XRN1: variants seen among roughly 807,000 people sequenced by gnomAD.
XRN1 encodes strand-exchange protein 1 homolog.
XRN1 carries 67 observed loss-of-function variants against 222.3 expected under a neutral mutation model. The observed-to-expected ratio is 0.30, with a 90% CI of 0.25 to 0.37. The LOEUF (loss-of-function observed/expected upper bound fraction) is 0.37. XRN1 is among the 10% of genes least tolerant of loss of function. The pLI is 1.00. For missense variants in XRN1, 1,707 were observed against 2,000.2 expected, an observed-to-expected ratio of 0.85 and a Z score of 2.80; for synonymous variants, 643 against 652.4, an observed-to-expected ratio of 0.99 and a Z score of 0.22.
At chr3:142,376,718 G>T in intron 23 of XRN1, 124 bp from the exon 24 acceptor site, 1 of 703,108 alleles carries the variant, frequency 1.4e-6, no homozygotes, top group East Asian at 2.9e-5. Context: ...GGCAATATAA[G>T]GATTTTCACT....
At chr3:142,316,214 CTTTT>C (rs377522108) in intron 39 of XRN1, among the ~76,000 whole-genome samples, 40 of 111,830 alleles carry the variant, frequency 3.6e-4, no homozygotes, top group Non-Finnish European at 6.5e-4. Context: ...TCATTATCTT[CTTTT>C]TTTTTTTTTT....
chr3:142,335,792 A>C (rs1395722511), intron 33 of XRN1, among the ~76,000 whole-genome samples: 1 of 152,198 alleles, frequency 6.6e-6, no homozygotes, highest in African/African-American at 2.4e-5. Context: ...TAGTGGGAAA[A>C]AAGACATGGA....
chr3:142,373,753 C>T (rs1467899341), intron 25 of XRN1, among the ~76,000 whole-genome samples: 1 of 151,896 alleles, frequency 6.6e-6, no homozygotes, highest in African/African-American at 2.4e-5. Flanking sequence ...TTTGGGAGGC[C>T]GAGGCAGGCA....
At chr3:142,400,784 T>A (rs1201158670) in intron 18 of XRN1, among the ~76,000 whole-genome samples, 1 of 152,058 alleles carries the variant, frequency 6.6e-6, no homozygotes, top group East Asian at 1.9e-4. Flanking sequence ...CCAGGTGTGG[T>A]GGCACACGCA....
intron 1 of XRN1, among the ~76,000 whole-genome samples, chr3:142,440,647 C>G (rs1370344479): frequency 6.6e-6 from 1 of 152,064 alleles, no homozygotes; most frequent in Non-Finnish European, 1.5e-5. Flanking sequence ...GTACAGAAAC[C>G]CAACAGACAG....
At chr3:142,423,229 C>T (rs1202583263) in intron 6 of XRN1, among the ~76,000 whole-genome samples, 1 of 152,108 alleles carries the variant, frequency 6.6e-6, no homozygotes, top group Non-Finnish European at 1.5e-5. Flanking sequence ...CCATTTAAGG[C>T]TGGTCTTTTC....
chr3:142,377,336 A>G (rs1422135372), intron 23 of XRN1, among the ~76,000 whole-genome samples: 1 of 152,208 alleles, frequency 6.6e-6, no homozygotes, highest in Non-Finnish European at 1.5e-5. Context: ...TGTACATAAC[A>G]ATAAAACATA....
chr3:142,400,157 C>T (rs1439537313), intron 19 of XRN1, among the ~76,000 whole-genome samples: 1 of 151,938 alleles, frequency 6.6e-6, no homozygotes, highest in Non-Finnish European at 1.5e-5. Flanking sequence ...AATGTATTTG[C>T]TAAGTAATAT....
intron 12 of XRN1, chr3:142,418,115 C>G (rs1441621783): frequency 5.6e-6 from 1 of 177,214 alleles, no homozygotes. Flanking sequence ...GAACTTTCTG[C>G]AAGTACCAGT....
At chr3:142,371,834 G>A (rs934237867) in intron 25 of XRN1, among the ~76,000 whole-genome samples, 36 of 152,100 alleles carry the variant, frequency 2.4e-4, no homozygotes, top group Non-Finnish European at 4.4e-4. Flanking sequence ...GTATAAAAAA[G>A]AGCACAGACC....
chr3:142,378,935 A>G (rs6769786), intron 23 of XRN1, among the ~76,000 whole-genome samples: 91,728 of 151,868 alleles, frequency 0.6, 28,706 homozygotes, highest in African/African-American at 0.78. Flanking sequence ...TTTATCAACA[A>G]CAATATGGAA....
At chr3:142,339,262 T>C (rs924792740) in intron 33 of XRN1, among the ~76,000 whole-genome samples, 1 of 151,978 alleles carries the variant, frequency 6.6e-6, no homozygotes, top group Non-Finnish European at 1.5e-5. Context: ...TGGGAGAAAG[T>C]AAAGGAAGAG....
chr3:142,351,538 C>T (rs187462102), intron 32 of XRN1, among the ~76,000 whole-genome samples: 6 of 152,098 alleles, frequency 3.9e-5, no homozygotes, highest in Admixed American at 2.0e-4. Flanking sequence ...GAGAGAGGTG[C>T]CAGTATAGAC....
chr3:142,433,376 T>C (rs2069714529), intron 1 of XRN1, among the ~76,000 whole-genome samples: 1 of 152,202 alleles, frequency 6.6e-6, no homozygotes, highest in Admixed American at 6.5e-5. Context: ...CAGTCACTGA[T>C]TGGTTATATT....
At chr3:142,392,431 G>A (rs6786320) in intron 20 of XRN1, among the ~76,000 whole-genome samples, 1 of 151,728 alleles carries the variant, frequency 6.6e-6, no homozygotes, top group Admixed American at 6.6e-5. Flanking sequence ...GCACCCACTC[G>A]TCATCTAGCA....
chr3:142,361,199 T>C (rs1236117018), intron 29 of XRN1, among the ~76,000 whole-genome samples: 2 of 152,240 alleles, frequency 1.3e-5, no homozygotes, highest in Non-Finnish European at 1.5e-5. Context: ...GTCACCTATG[T>C]TGTGTCTATC....
intron 29 of XRN1, among the ~76,000 whole-genome samples, chr3:142,360,558 TTA>T (rs1030173143): frequency 1.3e-5 from 2 of 149,312 alleles, no homozygotes. Flanking sequence ...ATGTACTTTT[TTA>T]AAAAAAAAAA....
rs1161949356 is a variant in XRN1 at position 142,308,401 on chromosome 3, C to T, written c.*3110G>A. ...TAGAAAGAAACAATAAAAAAACTTG[C>T]ATCAATAGTTCTTCATTCCTCCACC... On this transcript the variant is annotated 3_prime_UTR_variant, in exon 41 of 41. Transcript: ENST00000392981. The T allele has an allele frequency of 1.3e-5, 2 of 152,144 alleles. No individual in the cohort carries two copies. Among genetic ancestry groups the T allele is most frequent in the Non-Finnish European group, 2.9e-5 (2 of 68,028 alleles). The allele number at this position is 152,144 out of a possible 1,614,324, so 9.4% of individuals were successfully genotyped here. A position where few individuals can be genotyped will look rare whatever the true frequency, so the allele number is the denominator to read the frequency against.
chr3:142,332,449 T>C lies in XRN1; in HGVS notation c.4148A>G (p.Asn1383Ser), dbSNP rs764184332. ...TCTGTTAGAGGAAACAGGGATTTCA[T>C]TAGCAATCTGTTTGATTTCATTCTT... is the stretch of plus-strand genomic sequence containing the variant. ...DHKNEIKQIA[N>S]EIPVSSNRRD... is the part of the protein sequence containing the mutation. The change falls in exon 36 of 41, where the codon AAT becomes AGT. Residue 1383 changes from asparagine to serine, a missense_variant. Physicochemically the swap from Asn to Ser is conservative, Grantham distance 46. This residue lies in a region of XRN1 where 473 missense variants were observed against 482.0 expected (regional missense o/e 0.98). Transcript: ENST00000392981. The C allele has an allele frequency of 1.2e-6, 2 of 1,613,340 alleles. No homozygotes were observed. The highest frequency in any genetic ancestry group is 4.5e-5 in the East Asian group (2 of 44,800).
Sources: allele counts gnomAD v4.1 joint callset (sites outside exome capture counted in the v4.1 genomes callset), GRCh38; gene constraint gnomAD v4.1.1; regional missense constraint gnomAD v4.1.1; transcripts MANE v1.5; gene names NCBI Gene and HGNC (gene_info 2026-07-23, HGNC 2026-07-21).